CDH4: variants seen among roughly 807,000 people sequenced by gnomAD.
The protein encoded by CDH4 is cadherin-4.
In CDH4, 33 loss-of-function variants were observed where a neutral mutation model predicts 86.0. The ratio of observed to expected loss-of-function variants is 0.38; its 90% CI spans 0.29 to 0.51. The LOEUF is 0.51. Among genes scored for constraint, CDH4 ranks in the 20% least tolerant of loss-of-function variants. The pLI is 0.86. For missense variants in CDH4, 1,114 were observed against 1,307.4 expected (o/e 0.85, Z 2.28); for synonymous variants, 555 against 549.4 (o/e 1.01, Z -0.14).
chr20:61,519,661 C>T lies in CDH4; in HGVS notation c.170-223902C>T, dbSNP rs748441892. Among the ~76,000 whole-genome samples the T allele has an allele frequency of 5.3e-5, 8 of 152,244 alleles. No homozygotes were observed. The East Asian group carries it at 5.8e-4, about 11-fold the overall frequency. On this transcript the variant is annotated intron_variant, in intron 2 of 15. Coordinates refer to ENST00000614565, the MANE Select transcript of CDH4 (RefSeq NM_001794.5). ...GGGCTGCTGCGCCAGCATCGCAGGG[C>T]GATTACCCTGTGCTGCTCTCTAGAT... is the stretch of plus-strand genomic sequence containing the variant.
intron 2 of CDH4, among the ~76,000 whole-genome samples, chr20:61,331,253 A>C (rs554529177): frequency 2.6e-5 from 4 of 152,026 alleles, no homozygotes; most frequent in African/African-American, 9.6e-5. Flanking sequence ...CCCTGGGATG[A>C]GGCCCTCCCT....
intron 2 of CDH4, among the ~76,000 whole-genome samples, chr20:61,595,198 C>T (rs2086547133): frequency 6.6e-6 from 1 of 152,244 alleles, no homozygotes; most frequent in African/African-American, 2.4e-5. Context: ...GTGAACCTCC[C>T]TCTGCTGCCA....
At chr20:61,332,997 G>A (rs953397197) in intron 2 of CDH4, among the ~76,000 whole-genome samples, 10 of 152,260 alleles carry the variant, frequency 6.6e-5, no homozygotes, top group South Asian at 6.2e-4. Context: ...CTTCCCCACC[G>A]CTGGGCAAAG....
chr20:61,849,639 C>G (rs1004337536), intron 5 of CDH4, among the ~76,000 whole-genome samples: 1 of 152,160 alleles, frequency 6.6e-6, no homozygotes, highest in Non-Finnish European at 1.5e-5. Context: ...GGTTGCAGGA[C>G]TGAGGTCTCC....
Position 61,852,785 on chromosome 20 carries a change from A to G in CDH4, c.764A>G (p.Asn255Ser). ...GCCCACGCTGTGGACATGAATGGCA[A>G]CAAGGTGGAGAACCCCATCGACCTG... ...LRAHAVDMNG[N>S]KVENPIDLYI... is the part of the protein sequence containing the mutation. Residue 255 changes from asparagine (N) to serine (S), a missense_variant, in exon 6 of 16, where the codon AAC becomes AGC. Around this residue, in one of 3 missense-constraint regions of CDH4, gnomAD observed 705 missense variants for 914.1 expected, o/e 0.77. Coordinates refer to ENST00000614565, the MANE Select transcript of CDH4 (RefSeq NM_001794.5). The G allele has an allele frequency of 6.2e-7, 1 of 1,613,754 alleles. No individual in the cohort carries two copies. The highest frequency in any genetic ancestry group is 8.5e-7 in the Non-Finnish European group (1 of 1,179,792).
chr20:61,758,607 C>T (rs1299701596), intron 3 of CDH4, among the ~76,000 whole-genome samples: 4 of 152,166 alleles, frequency 2.6e-5, no homozygotes, highest in Admixed American at 6.5e-5. Flanking sequence ...CCACGAGGTC[C>T]GTGAAGTTGT....
At chr20:61,346,897 GC>G (rs1161292478) in intron 2 of CDH4, among the ~76,000 whole-genome samples, 1 of 152,026 alleles carries the variant, frequency 6.6e-6, no homozygotes, top group Non-Finnish European at 1.5e-5. Context: ...ACGTACGGGT[GC>G]CCCCCATCTG....
chr20:61,838,443 G>A (rs1489782552), intron 4 of CDH4, among the ~76,000 whole-genome samples: 1 of 152,140 alleles, frequency 6.6e-6, no homozygotes, highest in Non-Finnish European at 1.5e-5. Flanking sequence ...TGGGGCCACG[G>A]AGAAGCTGCA....
chr20:61,589,047 C>T (rs911913447), intron 2 of CDH4, among the ~76,000 whole-genome samples: 1 of 152,224 alleles, frequency 6.6e-6, no homozygotes, highest in African/African-American at 2.4e-5. Flanking sequence ...ACCCCTACAT[C>T]TGAGGCTGGA....
At chr20:61,924,602 G>C (rs1013334322) in intron 11 of CDH4, 126 bp downstream of exon 11, 8 of 964,124 alleles carry the variant, frequency 8.3e-6, no homozygotes, top group Non-Finnish European at 9.1e-6. Context: ...GTCACCCAGA[G>C]GGGCTGAGGG....
At chr20:61,815,499 G>A (rs1412985945) in intron 4 of CDH4, among the ~76,000 whole-genome samples, 1 of 152,168 alleles carries the variant, frequency 6.6e-6, no homozygotes, top group Non-Finnish European at 1.5e-5. Flanking sequence ...GGAGGCTCCG[G>A]GAGACAGGAG....
At chr20:61,731,164 C>T (rs181514704) in intron 2 of CDH4, among the ~76,000 whole-genome samples, 2 of 152,028 alleles carry the variant, frequency 1.3e-5, no homozygotes, top group African/African-American at 2.4e-5. Context: ...GAGTCCCCCC[C>T]TCAGCCCTCA....
chr20:61,496,868 T>C (rs2085666494), intron 2 of CDH4, among the ~76,000 whole-genome samples: 1 of 152,212 alleles, frequency 6.6e-6, no homozygotes, highest in African/African-American at 2.4e-5. Context: ...TGCATGCAGC[T>C]TGGGCTATGA....
At chr20:61,845,514 A>G (rs922987937) in intron 5 of CDH4, among the ~76,000 whole-genome samples, 4 of 152,226 alleles carry the variant, frequency 2.6e-5, no homozygotes, top group African/African-American at 4.8e-5. Context: ...CCTTCACCTC[A>G]GGGTCCAGAG....
chr20:61,807,921 C>A lies in CDH4; in HGVS notation c.576+34739C>A, dbSNP rs1980227398. 6.6e-6 allele frequency among the ~76,000 whole-genome samples: 1 copy of A among 152,230 alleles called. No homozygotes were observed. Among genetic ancestry groups the A allele is most frequent in the African/African-American group, 2.4e-5 (1 of 41,468 alleles). On this transcript the variant is annotated intron_variant, in intron 4 of 15. Transcript: ENST00000614565. This position sits in a 1 kb window ranked among gnomAD's most constrained non-coding sequence, Gnocchi z 4.5. ...GGCGGGATGCAGGCACAGCGCGATC[C>A]AGCACAGTGCTGGGTGGTCTGGGTG...
chr20:61,735,517 T>A (rs2088251870), intron 2 of CDH4, among the ~76,000 whole-genome samples: 1 of 151,932 alleles, frequency 6.6e-6, no homozygotes, highest in Non-Finnish European at 1.5e-5. Context: ...CCCCAAGGGG[T>A]TCCCCAGGGA....
At chr20:61,869,390 C>A (rs1455717516) in intron 6 of CDH4, among the ~76,000 whole-genome samples, 1 of 152,234 alleles carries the variant, frequency 6.6e-6, no homozygotes, top group African/African-American at 2.4e-5. Context: ...GGAGTTGGAA[C>A]AGGGAATGTG....
chr20:61,832,961 C>T (rs1981696635), intron 4 of CDH4, among the ~76,000 whole-genome samples: 1 of 152,152 alleles, frequency 6.6e-6, no homozygotes, highest in Admixed American at 6.5e-5. Flanking sequence ...GGCTGCTAGG[C>T]TGATGGGATG....
At position 61,681,881 on chromosome 20, in the gene CDH4, G is replaced by GCAGAAAATGAC. The variant is rs2087518833; in HGVS notation, c.170-61681_170-61671dup. Among the ~76,000 whole-genome samples, 1 of 152,164 alleles carries GCAGAAAATGAC rather than the reference G, an allele frequency of 6.6e-6. No homozygotes were observed. Among genetic ancestry groups the GCAGAAAATGAC allele is most frequent in the African/African-American group, 2.4e-5 (1 of 41,422 alleles). On this transcript the variant is annotated intron_variant, in intron 2 of 15. Coordinates refer to ENST00000614565, the MANE Select transcript of CDH4 (RefSeq NM_001794.5). The surrounding 1 kb of genome is among the most constrained non-coding windows in gnomAD (Gnocchi z 4.5). ...GTGTATACGGGAGCAAGCAGGTTCA[G>GCAGAAAATGAC]CAGAAAATGACGTGATGCCAAGGCC...
Sources: gnomAD v4.1 joint callset for allele counts (sites outside exome capture counted in the v4.1 genomes callset) on GRCh38, gnomAD v4.1.1 for gene constraint, gnomAD v4.1.1 regional missense constraint, Gnocchi (gnomAD v3.1) non-coding constraint, MANE v1.5 for transcripts, NCBI Gene and HGNC (gene_info 2026-07-23, HGNC 2026-07-21) for gene names.